Variants in SFSWAP observed in about 807,000 individuals in gnomAD.
SFSWAP encodes splicing factor, suppressor of white-apricot homolog.
A neutral mutation model predicts 100.7 loss-of-function variants in SFSWAP; 17 were observed. That is an observed-to-expected ratio of 0.17 (90% confidence interval 0.12 to 0.25). SFSWAP has a LOEUF of 0.25. Among genes scored for constraint, SFSWAP ranks in the 10% least tolerant of loss-of-function variants. The probability of loss-of-function intolerance (pLI) is 1.00; values close to 1 mark genes in which losing one functional copy is unlikely to be tolerated. For missense variants in SFSWAP, 1,005 were observed against 1,262.6 expected, an observed-to-expected ratio of 0.80 and a Z score of 3.09; for synonymous variants, 504 against 510.1, an observed-to-expected ratio of 0.99 and a Z score of 0.16.
chr12:131,785,397 C>G, intron 14 of SFSWAP: 1 of 536,438 alleles, frequency 1.9e-6, no homozygotes, highest in Non-Finnish European at 3.2e-6. Context: ...GTGGCATTTG[C>G]GGTTTATTGT....
intron 1 of SFSWAP, chr12:131,713,797 A>G (rs1877621235): frequency 8.3e-6 from 2 of 242,262 alleles, no homozygotes; most frequent in South Asian, 1.5e-4. Flanking sequence ...CATTTTTGCT[A>G]TTAATGGATT....
At chr12:131,738,396 A>G (rs989114849) in intron 7 of SFSWAP, among the ~76,000 whole-genome samples, 3 of 152,260 alleles carry the variant, frequency 2.0e-5, no homozygotes, top group African/African-American at 7.2e-5. Context: ...TAAAAAGGAA[A>G]GAAAGAAGCT....
chr12:131,772,547 G>A (rs1446624391), intron 13 of SFSWAP, among the ~76,000 whole-genome samples: 2 of 152,224 alleles, frequency 1.3e-5, no homozygotes, highest in Non-Finnish European at 2.9e-5. Context: ...CCTTACGGGA[G>A]GGACCACACG....
At chr12:131,785,157 T>C in intron 14 of SFSWAP, 2 of 1,535,680 alleles carry the variant, frequency 1.3e-6, no homozygotes, top group African/African-American at 1.4e-5. Flanking sequence ...CAGGAAGTTA[T>C]CAGGCAGCCT....
At chr12:131,797,383 T>C in intron 16 of SFSWAP, 23 bp downstream of exon 16, 1 of 1,588,262 alleles carries the variant, frequency 6.3e-7, no homozygotes, top group Non-Finnish European at 8.6e-7. Context: ...CTCCAGCAGC[T>C]CTCTCTGGGG....
At chr12:131,727,421 T>C (rs1401576589) in intron 6 of SFSWAP, among the ~76,000 whole-genome samples, 1 of 152,104 alleles carries the variant, frequency 6.6e-6, no homozygotes, top group Non-Finnish European at 1.5e-5. Flanking sequence ...CTGAGGCAGG[T>C]GGATCACCTG....
In SFSWAP at chr12:131,730,792, A is replaced by C. The variant is rs1371002257; in HGVS notation, c.1081+2364A>C. Among the ~76,000 whole-genome samples, 2 of 151,948 alleles carry C rather than the reference A, an allele frequency of 1.3e-5. No individual in the cohort carries two copies. Among genetic ancestry groups the C allele is most frequent in the African/African-American group, 4.8e-5 (2 of 41,386 alleles). ...GACGGCACCCCACCCTATCCTCCCA[A>C]CTGCAAGGGCTCTAGTAGGGGGTGC... On this transcript the variant is annotated intron_variant, in intron 7 of 17. Transcript: ENST00000261674. The surrounding 1 kb of genome is among the most constrained non-coding windows in gnomAD (Gnocchi z 4.0).
chr12:131,742,664 G>A (rs58697433), intron 7 of SFSWAP, among the ~76,000 whole-genome samples: 31 of 151,726 alleles, frequency 2.0e-4, no homozygotes, highest in African/African-American at 2.7e-4. Context: ...CTAGGTCGTC[G>A]GGAGGTTACA....
intron 9 of SFSWAP, among the ~76,000 whole-genome samples, chr12:131,754,934 A>G (rs1982527): frequency 0.15 from 22,754 of 152,084 alleles, 2,348 homozygotes; most frequent in East Asian, 0.52. Context: ...CGCCCAACCA[A>G]TGTCTTTAGA....
rs1163973907 is a variant in SFSWAP, at chr12:131,711,562, G to T, written c.218+115G>T. On this transcript the variant is annotated intron_variant, in intron 1 of 17. Coordinates refer to ENST00000261674, the MANE Select transcript of SFSWAP (RefSeq NM_004592.4). This position sits in a 1 kb window ranked among gnomAD's most constrained non-coding sequence, Gnocchi z 4.9. ...GTTTTCTGGAGCCAGCGGGGATCTG[G>T]GGGACACCCCCTCCCCTGTCCCCAC... 3.5e-6 allele frequency: 3 copies of T among 862,760 alleles called. No homozygotes were observed. Among genetic ancestry groups the T allele is most frequent in the Middle Eastern group, 2.3e-4 (1 of 4,428 alleles). The allele number at this position is 862,760 out of a possible 1,614,324, so 53.4% of individuals were successfully genotyped here. A position where few individuals can be genotyped will look rare whatever the true frequency, so the allele number is the denominator to read the frequency against.
At chr12:131,781,341 C>T (rs896801802) in intron 14 of SFSWAP, among the ~76,000 whole-genome samples, 4 of 150,920 alleles carry the variant, frequency 2.7e-5, no homozygotes, top group Non-Finnish European at 1.5e-5. Flanking sequence ...GGGTTCACAC[C>T]ATTCTCCTGT....
chr12:131,763,404 T>C (rs1045649269), intron 11 of SFSWAP, among the ~76,000 whole-genome samples: 7 of 152,212 alleles, frequency 4.6e-5, no homozygotes, highest in Non-Finnish European at 1.0e-4. Context: ...TTTAAAATAC[T>C]GTATCTTATT....
At chr12:131,795,635 G>C (rs1418775711) in intron 15 of SFSWAP, among the ~76,000 whole-genome samples, 6 of 151,994 alleles carry the variant, frequency 3.9e-5, no homozygotes, top group African/African-American at 1.2e-4. Flanking sequence ...CCCTGATGAG[G>C]GGCAGGGCTT....
chr12:131,722,851 A>G (rs550869969), intron 4 of SFSWAP, among the ~76,000 whole-genome samples: 2 of 152,278 alleles, frequency 1.3e-5, no homozygotes, highest in African/African-American at 2.4e-5. Context: ...CAGGAGGCCA[A>G]GGCGGGAGGA....
At chr12:131,752,584 G>A (rs527830486) in intron 7 of SFSWAP, among the ~76,000 whole-genome samples, 8 of 152,326 alleles carry the variant, frequency 5.3e-5, no homozygotes, top group East Asian at 1.9e-4. Context: ...TGCTGGGGCC[G>A]GGGGCTGACG....
intron 11 of SFSWAP, 135 bp downstream of exon 11, chr12:131,756,779 G>A (rs1394807533): frequency 1.2e-5 from 9 of 722,520 alleles, no homozygotes; most frequent in South Asian, 1.9e-5. Flanking sequence ...GGTTGCTGTG[G>A]TGAAACCTCT....
intron 6 of SFSWAP, 130 bp from the exon 7 acceptor site, chr12:131,728,163 A>G (rs188283102): frequency 3.7e-5 from 37 of 997,280 alleles, no homozygotes; most frequent in Non-Finnish European, 4.7e-5. Context: ...TAGGACCTCC[A>G]TGGGTGCGTG....
intron 8 of SFSWAP, 97 bp downstream of exon 8, chr12:131,753,460 C>T (rs936069145): frequency 5.6e-6 from 8 of 1,440,920 alleles, no homozygotes; most frequent in Non-Finnish European, 7.4e-6. Flanking sequence ...TAATCTAGAT[C>T]ATATACAGGG....
intron 5 of SFSWAP, 69 bp from the exon 6 acceptor site, chr12:131,726,871 T>C: frequency 1.0e-6 from 1 of 985,572 alleles, no homozygotes; most frequent in South Asian, 1.4e-5. Context: ...CTTCTAAGTT[T>C]TTGCATAATT....
Sources: gnomAD v4.1 joint callset for allele counts (sites outside exome capture counted in the v4.1 genomes callset) on GRCh38, gnomAD v4.1.1 for gene constraint, Gnocchi (gnomAD v3.1) non-coding constraint, MANE v1.5 for transcripts, NCBI Gene and HGNC (gene_info 2026-07-23, HGNC 2026-07-21) for gene names.